IKZF3: variants seen among roughly 807,000 people sequenced by gnomAD.
IKZF3 encodes the protein IKAROS family zinc finger 3, also known as zinc finger protein Aiolos.
Under a neutral mutation model 49.0 loss-of-function variants are expected in IKZF3, and 10 were observed. That is an observed-to-expected ratio of 0.20 (90% CI 0.13 to 0.35). IKZF3 has a LOEUF of 0.35. IKZF3 is among the 10% of genes least tolerant of loss of function. The probability of loss-of-function intolerance (pLI) is 1.00; values close to 1 mark genes in which losing one functional copy is unlikely to be tolerated. For synonymous variants in IKZF3, 209 were observed against 228.2 expected (o/e 0.92, Z 0.76); for missense variants, 498 against 664.8 (o/e 0.75, Z 2.76).
chr17:39,861,659 G>A (rs895163764), intron 1 of IKZF3, among the ~76,000 whole-genome samples: 1 of 151,974 alleles, frequency 6.6e-6, no homozygotes, highest in African/African-American at 2.4e-5. Flanking sequence ...ACATGGAAAG[G>A]GACCTGAAAC....
At chr17:39,803,022 T>G (rs934386308) in intron 3 of IKZF3, among the ~76,000 whole-genome samples, 3 of 152,198 alleles carry the variant, frequency 2.0e-5, no homozygotes, top group African/African-American at 7.2e-5. Flanking sequence ...CTTAATAATT[T>G]CAGTGCAATT....
intron 3 of IKZF3, among the ~76,000 whole-genome samples, chr17:39,823,054 A>C (rs2061853619): frequency 6.6e-6 from 1 of 152,206 alleles, no homozygotes; most frequent in African/African-American, 2.4e-5. Flanking sequence ...AATGTGGGAA[A>C]GTTTGGAACT....
At chr17:39,846,993 T>A (rs2062651740) in intron 1 of IKZF3, among the ~76,000 whole-genome samples, 2 of 152,116 alleles carry the variant, frequency 1.3e-5, no homozygotes, top group African/African-American at 4.8e-5. Flanking sequence ...TCCTTCTTTA[T>A]AATAGTAAAT....
chr17:39,834,146 C>T (rs2062194107), intron 1 of IKZF3, among the ~76,000 whole-genome samples: 6 of 152,154 alleles, frequency 3.9e-5, no homozygotes. Context: ...GGAGCATGAT[C>T]ATCCTTGCAC....
At chr17:39,797,188 G>A (rs534356702) in intron 3 of IKZF3, among the ~76,000 whole-genome samples, 1 of 151,494 alleles carries the variant, frequency 6.6e-6, no homozygotes, top group African/African-American at 2.4e-5. Context: ...AAAGACATAG[G>A]TAAGCTATGC....
intron 3 of IKZF3, among the ~76,000 whole-genome samples, chr17:39,811,596 C>T (rs1029292931): frequency 7.2e-5 from 11 of 152,166 alleles, no homozygotes; most frequent in Non-Finnish European, 1.0e-4. Flanking sequence ...CCATGCAATC[C>T]TTGGAAAGTT....
intron 1 of IKZF3, among the ~76,000 whole-genome samples, chr17:39,840,498 T>C (rs1010837615): frequency 1.3e-5 from 2 of 152,216 alleles, no homozygotes; most frequent in East Asian, 1.9e-4. Flanking sequence ...ACTATTCCAT[T>C]ACAGAAATTA....
In IKZF3 at chr17:39,864,132, T is replaced by C. The variant is rs994800511; in HGVS notation, c.-6A>G. On this transcript the variant is annotated 5_prime_UTR_variant, in exon 1 of 8. Coordinates refer to ENST00000346872, the MANE Select transcript of IKZF3 (RefSeq NM_012481.5). Reference sequence around the variant, plus strand: ...GCTGGAGGCTCACCTTCCATGTCGCTGCCGGGCCGGGCTGGAGCTGCCGCT... The same window carrying C: ...GCTGGAGGCTCACCTTCCATGTCGCCGCCGGGCCGGGCTGGAGCTGCCGCT... The C allele has an allele frequency of 6.2e-7, 1 of 1,612,582 alleles. No individual in the cohort carries two copies.
intron 1 of IKZF3, among the ~76,000 whole-genome samples, chr17:39,845,828 C>G (rs1276851562): frequency 1.3e-5 from 2 of 152,162 alleles, no homozygotes. Flanking sequence ...TAGACAGCAC[C>G]TTTCATACAA....
chr17:39,762,932 G>C lies in IKZF3; in HGVS notation c.*2858C>G, dbSNP rs924561826. The C allele has an allele frequency of 3.3e-5, 5 of 152,094 alleles. No individual in the cohort carries two copies. Among genetic ancestry groups the C allele is most frequent in the Non-Finnish European group, 5.9e-5 (4 of 67,986 alleles). The allele number at this position is 152,094 out of a possible 1,614,324, so 9.4% of individuals were successfully genotyped here. On this transcript the variant is annotated 3_prime_UTR_variant, in exon 8 of 8. Coordinates refer to ENST00000346872, the MANE Select transcript of IKZF3 (RefSeq NM_012481.5). ...AAGTTGGTCTCCTCTGCAAAGACTT[G>C]AACACTAATCTGGTGGAAAGGCTTC...
At chr17:39,796,763 G>A (rs932085764) in intron 3 of IKZF3, among the ~76,000 whole-genome samples, 3 of 149,810 alleles carry the variant, frequency 2.0e-5, no homozygotes, top group African/African-American at 7.4e-5. Context: ...GGCCAGGCTG[G>A]TCTTGAACTC....
chr17:39,810,776 CA>C (rs1241761609), intron 3 of IKZF3, among the ~76,000 whole-genome samples: 14 of 151,906 alleles, frequency 9.2e-5, no homozygotes, highest in African/African-American at 3.1e-4. Context: ...CAATAATTAC[CA>C]AATACAAAAA....
chr17:39,798,527 A>G (rs1193185761), intron 3 of IKZF3, among the ~76,000 whole-genome samples: 3 of 146,328 alleles, frequency 2.1e-5, no homozygotes, highest in Non-Finnish European at 3.0e-5. Flanking sequence ...TTTTTTTGAG[A>G]CGGAGTCTTT....
At chr17:39,794,856 C>T (rs1055688570) in intron 3 of IKZF3, among the ~76,000 whole-genome samples, 1 of 152,082 alleles carries the variant, frequency 6.6e-6, no homozygotes, top group African/African-American at 2.4e-5. Flanking sequence ...TCCCTTCCTC[C>T]ATCACTCCAG....
At chr17:39,837,338 C>A (rs1227706158) in intron 1 of IKZF3, among the ~76,000 whole-genome samples, 1 of 151,852 alleles carries the variant, frequency 6.6e-6, no homozygotes, top group Admixed American at 6.6e-5. Flanking sequence ...ATCTGAGGGA[C>A]TTTTCTTGTT....
At chr17:39,852,665 A>G (rs886475637) in intron 1 of IKZF3, among the ~76,000 whole-genome samples, 6 of 152,040 alleles carry the variant, frequency 3.9e-5, no homozygotes, top group East Asian at 1.9e-4. Flanking sequence ...GATCCCATTC[A>G]TTCCCTTGGC....
At chr17:39,852,825 G>A (rs772289001) in intron 1 of IKZF3, among the ~76,000 whole-genome samples, 4 of 152,114 alleles carry the variant, frequency 2.6e-5, no homozygotes, top group Non-Finnish European at 4.4e-5. Context: ...ACAAAAACTA[G>A]CCAGGCATGG....
chr17:39,791,623 A>G, intron 4 of IKZF3, 40 bp from the exon 5 acceptor site: 1 of 1,601,052 alleles, frequency 6.2e-7, no homozygotes, highest in Non-Finnish European at 8.6e-7. Context: ...GGTCACAGGC[A>G]AGTGGAGAAA....
intron 3 of IKZF3, among the ~76,000 whole-genome samples, chr17:39,811,411 G>A (rs2061558005): frequency 6.6e-6 from 1 of 150,814 alleles, no homozygotes; most frequent in South Asian, 2.1e-4. Flanking sequence ...AGGAAGAAAG[G>A]AAGGAAGAAA....
Sources: allele counts gnomAD v4.1 joint callset (sites outside exome capture counted in the v4.1 genomes callset), GRCh38; gene constraint gnomAD v4.1.1; transcripts MANE v1.5; gene names NCBI Gene and HGNC (gene_info 2026-07-23, HGNC 2026-07-21).